SDK1: variants seen among roughly 807,000 people sequenced by gnomAD.
SDK1 encodes sidekick cell adhesion molecule 1, also known as protein sidekick-1.
SDK1 carries 157 observed loss-of-function variants against 245.5 expected under a neutral mutation model. The observed-to-expected ratio is 0.64, with a 90% CI of 0.56 to 0.73. The LOEUF (loss-of-function observed/expected upper bound fraction) is 0.73. Ranked by LOEUF, SDK1 falls within the 30% of genes least tolerant of loss-of-function variation. The pLI is 0.00. For synonymous variants in SDK1, 1,647 were observed against 1,278.5 expected, an observed-to-expected ratio of 1.29 and a Z score of -6.15; for missense variants, 3,583 against 3,002.3, an observed-to-expected ratio of 1.19 and a Z score of -4.52.
chr7:3,774,038 C>A (rs1583399757), intron 4 of SDK1, among the ~76,000 whole-genome samples: 1 of 151,860 alleles, frequency 6.6e-6, no homozygotes, highest in African/African-American at 2.4e-5. Context: ...CATGGTGAAA[C>A]CCTGTCTCTA....
At chr7:3,341,309 C>G (rs990742447) in intron 1 of SDK1, among the ~76,000 whole-genome samples, 15 of 152,168 alleles carry the variant, frequency 9.9e-5, no homozygotes, top group African/African-American at 2.9e-4. Context: ...ATCCAACATT[C>G]ATTCATGATT....
intron 44 of SDK1, among the ~76,000 whole-genome samples, chr7:4,248,305 TACACACATGC>T (rs1313402683): frequency 1.3e-5 from 2 of 150,946 alleles, no homozygotes; most frequent in African/African-American, 4.9e-5. Flanking sequence ...TATCTATACA[TACACACATGC>T]ACACACATAT....
chr7:4,261,986 A>G (rs1013551457), intron 44 of SDK1, among the ~76,000 whole-genome samples: 7 of 147,192 alleles, frequency 4.8e-5, no homozygotes, highest in East Asian at 2.0e-4. Flanking sequence ...TTCTTAGGGG[A>G]AAAAAAAATC....
intron 4 of SDK1, among the ~76,000 whole-genome samples, chr7:3,690,276 G>T (rs761204501): frequency 6.6e-6 from 1 of 152,052 alleles, no homozygotes; most frequent in Non-Finnish European, 1.5e-5. Context: ...TAAATGACAG[G>T]TTATACTTCT....
intron 1 of SDK1, among the ~76,000 whole-genome samples, chr7:3,574,318 A>G (rs1186476724): frequency 1.3e-5 from 2 of 151,762 alleles, no homozygotes; most frequent in Admixed American, 1.3e-4. Flanking sequence ...GGGTTTCACC[A>G]TGTTGGCCAG....
At chr7:3,891,239 T>C (rs552676097) in intron 5 of SDK1, among the ~76,000 whole-genome samples, 1 of 151,638 alleles carries the variant, frequency 6.6e-6, no homozygotes, top group East Asian at 1.9e-4. Flanking sequence ...AGGCTGGGAG[T>C]AGGGGGTGTC....
At chr7:3,965,993 G>A (rs1283142899) in intron 9 of SDK1, among the ~76,000 whole-genome samples, 3 of 151,896 alleles carry the variant, frequency 2.0e-5, no homozygotes, top group Admixed American at 2.0e-4. Context: ...TGGAGGGATA[G>A]GCAGGGGCAG....
At chr7:4,217,343 C>T (rs1442381082) in intron 38 of SDK1, among the ~76,000 whole-genome samples, 1 of 105,214 alleles carries the variant, frequency 9.5e-6, no homozygotes, top group Non-Finnish European at 2.0e-5. Context: ...CGGAGAACCA[C>T]GCCACCCGGA....
At chr7:4,014,127 C>A in intron 16 of SDK1, among the ~76,000 whole-genome samples, 1 of 152,230 alleles carries the variant, frequency 6.6e-6, no homozygotes, top group East Asian at 1.9e-4. Flanking sequence ...CTGCCTCTGC[C>A]TTTCTTCAGC....
chr7:3,884,507 C>G (rs976235233), intron 5 of SDK1, among the ~76,000 whole-genome samples: 64 of 152,176 alleles, frequency 4.2e-4, no homozygotes, highest in African/African-American at 1.3e-3. Context: ...CAGTTAGCGC[C>G]GTTTCTCAGA....
Position 3,754,676 on chromosome 7 carries a change from G to T in SDK1, c.714-66774G>T, listed in dbSNP as rs548412085. 5.3e-5 allele frequency among the ~76,000 whole-genome samples: 8 copies of T among 152,160 alleles called. No individual in the cohort carries two copies. In the South Asian group the frequency reaches 1.7e-3, roughly 32 times the overall value. Reference sequence around the variant, plus strand: ...ACAGCATGACGTGGTTTCTAAGTAAGGGGAAGGGGGGTGGGGGGCGGAGTA... The same window carrying T: ...ACAGCATGACGTGGTTTCTAAGTAATGGGAAGGGGGGTGGGGGGCGGAGTA... On this transcript the variant is annotated intron_variant, in intron 4 of 44. Transcript: ENST00000404826.
intron 22 of SDK1, among the ~76,000 whole-genome samples, chr7:4,093,458 C>CAAAA (rs71032922): frequency 9.0e-5 from 7 of 77,778 alleles, no homozygotes; most frequent in Non-Finnish European, 2.0e-4. Context: ...AAATGGAAAG[C>CAAAA]AAAAAAAAAA....
chr7:4,158,693 T>C lies in SDK1; in HGVS notation c.4729+142T>C, dbSNP rs996516225. The C allele has an allele frequency of 2.4e-5, 15 of 617,938 alleles. No individual in the cohort carries two copies. In the East Asian group the frequency reaches 4.2e-4, roughly 17 times the overall value. 38.3% of individuals were successfully genotyped at this position (617,938 alleles called of 1,614,324 possible). On this transcript the variant is annotated intron_variant, in intron 31 of 44. Coordinates refer to ENST00000404826, the MANE Select transcript of SDK1 (RefSeq NM_152744.4). ...TAGAATTCCATTAGTGACAGACAGCTCGGAGGGTTTCCGCACAGCCTGTGG... is the reference window on the plus strand; with the variant it reads ...TAGAATTCCATTAGTGACAGACAGCCCGGAGGGTTTCCGCACAGCCTGTGG...
At position 4,222,487 on chromosome 7, in the gene SDK1, G is replaced by A. The variant is rs972904730; in HGVS notation, c.5827+1123G>A. Among the ~76,000 whole-genome samples the A allele has an allele frequency of 4.6e-5, 7 of 152,182 alleles. No individual in the cohort carries two copies. The East Asian group carries it at 1.2e-3, about 25-fold the overall frequency. ...TTTTTATATTTTTAGTAGAGAGGGG[G>A]TTTCACCATGTTGGCCAGGCTGGTC... On this transcript the variant is annotated intron_variant, in intron 40 of 44. Transcript: ENST00000404826.
chr7:4,150,672 C>T (rs2128208480), intron 30 of SDK1, among the ~76,000 whole-genome samples: 1 of 152,316 alleles, frequency 6.6e-6, no homozygotes, highest in Middle Eastern at 3.4e-3. Context: ...CAGGTGAAGC[C>T]CCTGGCAGCT....
At chr7:4,138,181 G>T (rs949975013) in intron 28 of SDK1, among the ~76,000 whole-genome samples, 1 of 152,150 alleles carries the variant, frequency 6.6e-6, no homozygotes. Context: ...GGATGCCGTC[G>T]TGCTTTGCAA....
At chr7:4,258,594 A>T (rs1480018006) in intron 44 of SDK1, among the ~76,000 whole-genome samples, 1 of 152,224 alleles carries the variant, frequency 6.6e-6, no homozygotes, top group Non-Finnish European at 1.5e-5. Context: ...CTGAGAAACC[A>T]GGCTGGTTTT....
At position 3,857,386 on chromosome 7, in the gene SDK1, A is replaced by G. The variant is rs567744251; in HGVS notation, c.847+35803A>G. 6.6e-5 allele frequency among the ~76,000 whole-genome samples: 10 copies of G among 152,338 alleles called. 1 individual carries two copies. The South Asian group carries it at 1.9e-3, about 28-fold the overall frequency. Reference sequence around the variant, plus strand: ...TTTCAGGCAATATGATTACTTGCGTAGAAAACCTAAGACAGGCTGGGTGTG... The same window carrying G: ...TTTCAGGCAATATGATTACTTGCGTGGAAAACCTAAGACAGGCTGGGTGTG... On this transcript the variant is annotated intron_variant, in intron 5 of 44. Transcript: ENST00000404826.
chr7:4,086,026 A>G (rs1453466011), intron 22 of SDK1, among the ~76,000 whole-genome samples: 5 of 152,184 alleles, frequency 3.3e-5, no homozygotes, highest in Non-Finnish European at 5.9e-5. Context: ...CATATTTATT[A>G]GACTTTTGGT....
Sources: gnomAD v4.1 joint callset for allele counts (sites outside exome capture counted in the v4.1 genomes callset) on GRCh38, gnomAD v4.1.1 for gene constraint, MANE v1.5 for transcripts, NCBI Gene and HGNC (gene_info 2026-07-23, HGNC 2026-07-21) for gene names.